The following SKAP1 variants were observed in gnomAD, a reference collection of about 807,000 sequenced individuals.
SKAP1 encodes the protein src kinase associated phosphoprotein 1.
A neutral mutation model predicts 58.5 loss-of-function variants in SKAP1; 44 were observed. That is an observed-to-expected ratio of 0.75 (90% CI 0.59 to 0.97). The LOEUF is 0.97. Ranked by LOEUF, SKAP1 falls within the 50% of genes least tolerant of loss-of-function variation. SKAP1 has a pLI of 0.00. For missense variants in SKAP1, 390 were observed against 435.2 expected (o/e 0.90, Z 0.92); for synonymous variants, 127 against 149.7 (o/e 0.85, Z 1.11).
intron 4 of SKAP1, among the ~76,000 whole-genome samples, chr17:48,275,454 T>C (rs966491617): frequency 6.6e-6 from 1 of 152,230 alleles, no homozygotes; most frequent in African/African-American, 2.4e-5. Flanking sequence ...TCTTGTTTTC[T>C]TCCTTTATAG....
rs2065354156 is a variant in SKAP1, at chr17:48,250,675, G to A, written c.281-61175C>T. Reference sequence around the variant, plus strand: ...TCTCGTTTTTCTAAAAAAAAATAGTGTTTTGGCATTATTTAAAGTAATAAT... The same window carrying A: ...TCTCGTTTTTCTAAAAAAAAATAGTATTTTGGCATTATTTAAAGTAATAAT... On this transcript the variant is annotated intron_variant, in intron 4 of 12. Coordinates refer to ENST00000336915, the MANE Select transcript of SKAP1 (RefSeq NM_003726.4). 3.3e-5 allele frequency among the ~76,000 whole-genome samples: 5 copies of A among 152,108 alleles called. No individual in the cohort carries two copies. In the South Asian group the frequency reaches 1.0e-3, roughly 32 times the overall value.
chr17:48,373,715 G>A (rs1205800657), intron 2 of SKAP1, among the ~76,000 whole-genome samples: 1 of 152,018 alleles, frequency 6.6e-6, no homozygotes, highest in Non-Finnish European at 1.5e-5. Context: ...TTTTCTCTTG[G>A]AGAAGAGTCT....
At chr17:48,267,060 G>A (rs1441572737) in intron 4 of SKAP1, among the ~76,000 whole-genome samples, 3 of 152,098 alleles carry the variant, frequency 2.0e-5, no homozygotes, top group African/African-American at 4.8e-5. Flanking sequence ...TGAAAAAAAT[G>A]TGATGCCAAG....
At chr17:48,242,983 T>C (rs2065257938) in intron 4 of SKAP1, among the ~76,000 whole-genome samples, 1 of 152,210 alleles carries the variant, frequency 6.6e-6, no homozygotes, top group Admixed American at 6.5e-5. Context: ...ATTATAACAA[T>C]AAATGCTTAT....
At chr17:48,171,975 G>T (rs2064224811) in intron 9 of SKAP1, among the ~76,000 whole-genome samples, 1 of 152,148 alleles carries the variant, frequency 6.6e-6, no homozygotes, top group Non-Finnish European at 1.5e-5. Context: ...CAAGAGAATT[G>T]CTTGAATCCA....
chr17:48,405,401 C>A (rs996315503), intron 1 of SKAP1, among the ~76,000 whole-genome samples: 1 of 51,196 alleles, frequency 2.0e-5, no homozygotes, highest in African/African-American at 7.2e-5. Context: ...TCCTTTCTTT[C>A]TTTCTTTCTT....
chr17:48,215,836 T>G (rs2064933295), intron 4 of SKAP1, among the ~76,000 whole-genome samples: 1 of 152,098 alleles, frequency 6.6e-6, no homozygotes, highest in Non-Finnish European at 1.5e-5. Context: ...TCTCCCTGGT[T>G]CTAATTGGAG....
chr17:48,393,390 T>C (rs912805284), intron 2 of SKAP1, among the ~76,000 whole-genome samples: 2 of 152,244 alleles, frequency 1.3e-5, no homozygotes, highest in Admixed American at 6.5e-5. Context: ...ATTTTTTGTT[T>C]CTAAGTCTAA....
At chr17:48,144,482 T>A (rs2063805262) in intron 11 of SKAP1, among the ~76,000 whole-genome samples, 1 of 152,176 alleles carries the variant, frequency 6.6e-6, no homozygotes, top group African/African-American at 2.4e-5. Flanking sequence ...AAACGTTTAT[T>A]TCACTGCACA....
At chr17:48,347,793 A>C (rs1258753164) in intron 3 of SKAP1, among the ~76,000 whole-genome samples, 1 of 152,166 alleles carries the variant, frequency 6.6e-6, no homozygotes, top group East Asian at 1.9e-4. Context: ...ATTTTACATC[A>C]CTGGAAGTCC....
chr17:48,241,049 A>G (rs2065239110), intron 4 of SKAP1, among the ~76,000 whole-genome samples: 1 of 152,136 alleles, frequency 6.6e-6, no homozygotes. Flanking sequence ...TGCTATTTCT[A>G]CTGGCATTAG....
chr17:48,249,628 C>A (rs1318934158), intron 4 of SKAP1, among the ~76,000 whole-genome samples: 2 of 151,924 alleles, frequency 1.3e-5, no homozygotes, highest in African/African-American at 2.4e-5. Context: ...GAACCATGAT[C>A]ATGCCTCGGC....
intron 4 of SKAP1, among the ~76,000 whole-genome samples, chr17:48,326,440 G>A (rs114198527): frequency 5.8e-4 from 88 of 152,260 alleles, no homozygotes; most frequent in African/African-American, 1.9e-3. Context: ...TCAATCTTCT[G>A]GTGCTTCAGA....
At chr17:48,358,824 A>G (rs953795794) in intron 3 of SKAP1, among the ~76,000 whole-genome samples, 12 of 152,176 alleles carry the variant, frequency 7.9e-5, no homozygotes, top group Admixed American at 4.6e-4. Context: ...GTAACTGTGA[A>G]GTAGATATTA....
intron 4 of SKAP1, among the ~76,000 whole-genome samples, chr17:48,230,216 T>C (rs2143775416): frequency 6.6e-6 from 1 of 152,310 alleles, no homozygotes; most frequent in East Asian, 1.9e-4. Flanking sequence ...GTTCATTAAA[T>C]TAAAAATAAT....
At chr17:48,337,499 G>A (rs892420590) in intron 4 of SKAP1, among the ~76,000 whole-genome samples, 9 of 151,956 alleles carry the variant, frequency 5.9e-5, no homozygotes, top group Non-Finnish European at 1.2e-4. Flanking sequence ...ATCCAAACTC[G>A]TGATGGAATA....
At chr17:48,389,884 G>C (rs1203432596) in intron 2 of SKAP1, among the ~76,000 whole-genome samples, 1 of 152,152 alleles carries the variant, frequency 6.6e-6, no homozygotes, top group East Asian at 1.9e-4. Context: ...AAAAAGTCAT[G>C]GGGGTACCAT....
chr17:48,297,516 C>T lies in SKAP1; in HGVS notation c.280+48389G>A, dbSNP rs147956647. Among the ~76,000 whole-genome samples the T allele has an allele frequency of 3.4e-3, 513 of 152,314 alleles. 4 individuals are homozygous for T. The highest frequency in any genetic ancestry group is 0.012 in the African/African-American group (480 of 41,572). On this transcript the variant is annotated intron_variant, in intron 4 of 12. Transcript: ENST00000336915. ...ACAAAACTTCTAAAACAAGTGTTCA[C>T]TTTTATTCCCTTGCTTTAACTTTTA...
intron 4 of SKAP1, among the ~76,000 whole-genome samples, chr17:48,321,498 C>T (rs1221419659): frequency 1.3e-5 from 2 of 151,834 alleles, no homozygotes; most frequent in African/African-American, 2.4e-5. Context: ...CTGCCTCAGC[C>T]TCCCAAGTAG....
Sources: allele counts gnomAD v4.1 joint callset (sites outside exome capture counted in the v4.1 genomes callset), GRCh38; gene constraint gnomAD v4.1.1; transcripts MANE v1.5; gene names NCBI Gene and HGNC (gene_info 2026-07-23, HGNC 2026-07-21).